ANKRD13C: variants seen among roughly 807,000 people sequenced by gnomAD.
ANKRD13C encodes the protein ankyrin repeat domain 13C, also known as ankyrin repeat domain-containing protein 13C.
A neutral mutation model predicts 65.5 loss-of-function variants in ANKRD13C; 16 were observed. The observed-to-expected ratio is 0.24, with a 90% CI of 0.17 to 0.37. The LOEUF (loss-of-function observed/expected upper bound fraction) is 0.37. ANKRD13C is among the 10% of genes least tolerant of loss of function. The probability of loss-of-function intolerance (pLI) is 1.00; values close to 1 mark genes in which losing one functional copy is unlikely to be tolerated. For missense variants in ANKRD13C, 503 were observed against 655.9 expected, an observed-to-expected ratio of 0.77 and a Z score of 2.55; for synonymous variants, 235 against 238.7, an observed-to-expected ratio of 0.98 and a Z score of 0.14.
intron 9 of ANKRD13C, among the ~76,000 whole-genome samples, chr1:70,278,600 A>C (rs1005223863): frequency 2.6e-5 from 4 of 152,216 alleles, no homozygotes; most frequent in African/African-American, 9.7e-5. Flanking sequence ...TAACAGGACT[A>C]TGGAGCAAAA....
intron 2 of ANKRD13C, among the ~76,000 whole-genome samples, chr1:70,328,450 G>A (rs1681643352): frequency 6.6e-6 from 1 of 152,146 alleles, no homozygotes; most frequent in Non-Finnish European, 1.5e-5. Context: ...ATCACCTGAG[G>A]TCGGGAGTTC....
chr1:70,339,594 G>C (rs972185894), intron 1 of ANKRD13C, among the ~76,000 whole-genome samples: 2 of 151,556 alleles, frequency 1.3e-5, no homozygotes, highest in South Asian at 2.1e-4. Context: ...GCTAGGATTA[G>C]AGGAGTGAGC....
chr1:70,300,987 C>A, intron 6 of ANKRD13C, 79 bp from the exon 7 acceptor site: 1 of 1,456,190 alleles, frequency 6.9e-7, no homozygotes, highest in African/African-American at 1.5e-5. Flanking sequence ...TAAGCTGTTC[C>A]TTTTAAACTC....
chr1:70,337,280 T>C (rs550365454), intron 1 of ANKRD13C, among the ~76,000 whole-genome samples: 3 of 152,180 alleles, frequency 2.0e-5, no homozygotes, highest in African/African-American at 7.2e-5. Flanking sequence ...ATAAATTCAC[T>C]ACACTAAAGT....
At chr1:70,333,661 C>T (rs1402635567) in intron 2 of ANKRD13C, among the ~76,000 whole-genome samples, 1 of 152,186 alleles carries the variant, frequency 6.6e-6, no homozygotes, top group Non-Finnish European at 1.5e-5. Flanking sequence ...ATCTAGTTAG[C>T]AGTGAACACC....
intron 2 of ANKRD13C, among the ~76,000 whole-genome samples, chr1:70,331,820 C>CAAAAAAAAAAAAAAAAAA (rs10526340): frequency 2.9e-5 from 2 of 70,070 alleles, no homozygotes; most frequent in Non-Finnish European, 5.0e-5. Context: ...AGACTCGACT[C>CAAAAAAAAAAAAAAAAAA]AAAAAAAAAA....
At chr1:70,323,700 G>A (rs945305694) in intron 3 of ANKRD13C, among the ~76,000 whole-genome samples, 4 of 151,392 alleles carry the variant, frequency 2.6e-5, no homozygotes, top group Admixed American at 6.6e-5. Flanking sequence ...AAAAATGTAT[G>A]TGCGGTACAA....
chr1:70,334,387 A>G (rs1369255376), intron 2 of ANKRD13C, among the ~76,000 whole-genome samples: 3 of 152,208 alleles, frequency 2.0e-5, no homozygotes, highest in Non-Finnish European at 4.4e-5. Flanking sequence ...GAACTTAAAA[A>G]TCAAACTAGC....
intron 8 of ANKRD13C, among the ~76,000 whole-genome samples, chr1:70,294,006 A>T (rs1233428030): frequency 2.0e-5 from 3 of 152,272 alleles, no homozygotes; most frequent in Non-Finnish European, 4.4e-5. Flanking sequence ...GTCCAAAAAC[A>T]AGACTGAATA....
chr1:70,268,892 T>A (rs1053624122), intron 12 of ANKRD13C, among the ~76,000 whole-genome samples: 103 of 152,270 alleles, frequency 6.8e-4, no homozygotes, highest in African/African-American at 1.3e-3. Context: ...AGTTTTTTTT[T>A]AAAATTATTA....
chr1:70,322,470 T>C (rs891007778), intron 3 of ANKRD13C, among the ~76,000 whole-genome samples: 2 of 152,176 alleles, frequency 1.3e-5, no homozygotes, highest in Admixed American at 1.3e-4. Context: ...GGTATCACTC[T>C]ACATAAGAAA....
intron 1 of ANKRD13C, among the ~76,000 whole-genome samples, chr1:70,345,334 CAGG>C (rs1455176376): frequency 7.3e-5 from 11 of 151,694 alleles, no homozygotes; most frequent in Non-Finnish European, 1.6e-4. Flanking sequence ...GAGGCTGAAG[CAGG>C]AGAATCGCTT....
chr1:70,311,261 G>A (rs77918903), intron 5 of ANKRD13C, among the ~76,000 whole-genome samples: 2,312 of 152,210 alleles, frequency 0.015, 60 homozygotes, highest in African/African-American at 0.053. Context: ...GGGAGGCCGA[G>A]GCGGGTGGAT....
intron 2 of ANKRD13C, among the ~76,000 whole-genome samples, chr1:70,331,030 CA>C (rs1681773238): frequency 6.6e-6 from 1 of 152,012 alleles, no homozygotes. Flanking sequence ...TAACGTTATT[CA>C]GTAGGTTAAG....
In ANKRD13C at chr1:70,342,611, TCAATAGTGGAAGAGGTAG is replaced by T. The variant is rs568134335; in HGVS notation, c.431-6530_431-6513del. 1.5e-3 allele frequency among the ~76,000 whole-genome samples: 234 copies of T among 152,192 alleles called. No homozygotes were observed. The Middle Eastern group carries it at 0.017, about 11-fold the overall frequency. ...AAATTCCTGAATATCCCTTTTTGTA[TCAATAGTGGAAGAGGTAG>T]CAATAGTGGAAGAGGTAGCAATAGT... On this transcript the variant is annotated intron_variant, in intron 1 of 12. Transcript: ENST00000370944.
At chr1:70,328,967 T>C (rs1383683779) in intron 2 of ANKRD13C, among the ~76,000 whole-genome samples, 2 of 152,174 alleles carry the variant, frequency 1.3e-5, no homozygotes, top group African/African-American at 4.8e-5. Context: ...ATGTAAGATA[T>C]CTACAAATTT....
intron 3 of ANKRD13C, 122 bp downstream of exon 3, chr1:70,324,731 T>G: frequency 1.7e-6 from 1 of 596,466 alleles, no homozygotes. Flanking sequence ...AATTCACATG[T>G]AAGTTTACAC....
chr1:70,274,637 C>T (rs994115521), intron 11 of ANKRD13C, 83 bp downstream of exon 11: 10 of 1,010,000 alleles, frequency 9.9e-6, no homozygotes, highest in East Asian at 9.5e-5. Context: ...GTCTCAAATG[C>T]ACCACTGGGG....
intron 3 of ANKRD13C, among the ~76,000 whole-genome samples, chr1:70,323,619 C>A (rs1346368725): frequency 6.6e-6 from 1 of 151,576 alleles, no homozygotes; most frequent in Non-Finnish European, 1.5e-5. Context: ...TTCCATCCAG[C>A]CTGGGTGACA....
Sources: gnomAD v4.1 joint callset for allele counts (sites outside exome capture counted in the v4.1 genomes callset) on GRCh38, gnomAD v4.1.1 for gene constraint, MANE v1.5 for transcripts, NCBI Gene and HGNC (gene_info 2026-07-23, HGNC 2026-07-21) for gene names.